Variants in GUCA1C observed in about 807,000 individuals in gnomAD.
The protein encoded by GUCA1C is guanylyl cyclase-activating protein 3.
A neutral mutation model predicts 16.2 loss-of-function variants in GUCA1C; 15 were observed. That is an observed-to-expected ratio of 0.93 (90% CI 0.62 to 1.43). The LOEUF is 1.43. Among genes scored for constraint, GUCA1C ranks in the 40% most tolerant of loss-of-function variants. The pLI, the probability that GUCA1C is intolerant of heterozygous loss-of-function variation, is 0.00. For missense variants in GUCA1C, 275 were observed against 244.8 expected (o/e 1.12, Z -0.82); for synonymous variants, 78 against 85.4 (o/e 0.91, Z 0.48).
At position 108,953,738 on chromosome 3, in the gene GUCA1C, C is replaced by G. The variant is rs1371348750; in HGVS notation, c.25G>C (p.Gly9Arg). The change falls in exon 1 of 4, where the codon GGT becomes CGT. Residue 9 changes from glycine (G) to arginine (R), a missense_variant. Coordinates refer to ENST00000261047, the MANE Select transcript of GUCA1C (RefSeq NM_005459.4). MGNGKSIA[G>R]DQKAVPTQET... ...TGTGTAGGAACTGCTTTCTGATCAC[C>G]AGCTATAGATTTGCCATTCCCCATC... is the stretch of plus-strand genomic sequence containing the variant. 6.2e-7 allele frequency: 1 copy of G among 1,612,940 alleles called. No individual in the cohort carries two copies. The highest frequency in any genetic ancestry group is 1.7e-5 in the Admixed American group (1 of 60,016).
In GUCA1C at chr3:108,910,471, C is replaced by A. The variant is rs571069110; in HGVS notation, c.443-2262G>T. On this transcript the variant is annotated intron_variant, in intron 3 of 3. Coordinates refer to ENST00000261047, the MANE Select transcript of GUCA1C (RefSeq NM_005459.4). ...CGAGATGGCGCCACTGCACTCCAGCCTGGGTGACACAGCGAGACTGTCTGA... is the reference window on the plus strand; with the variant it reads ...CGAGATGGCGCCACTGCACTCCAGCATGGGTGACACAGCGAGACTGTCTGA... 1.3e-4 allele frequency among the ~76,000 whole-genome samples: 20 copies of A among 149,712 alleles called. 1 individual carries two copies. Among genetic ancestry groups the A allele is most frequent in the African/African-American group, 4.5e-4 (18 of 40,374 alleles).
intron 1 of GUCA1C, among the ~76,000 whole-genome samples, chr3:108,923,465 A>T (rs1946590101): frequency 6.6e-6 from 1 of 152,082 alleles, no homozygotes; most frequent in Non-Finnish European, 1.5e-5. Context: ...GGCTGTAAGT[A>T]TTTGGCTTTA....
intron 1 of GUCA1C, among the ~76,000 whole-genome samples, chr3:108,921,428 G>A (rs1946568015): frequency 6.6e-6 from 1 of 152,078 alleles, no homozygotes. Context: ...GATTTCTTGT[G>A]GACTTAAGTT....
chr3:108,954,178 T>C (rs559322620), upstream of GUCA1C, among the ~76,000 whole-genome samples: 1 of 152,204 alleles, frequency 6.6e-6, no homozygotes, highest in Non-Finnish European at 1.5e-5. Flanking sequence ...TTAACTATAT[T>C]GAAACATTAC....
intron 2 of GUCA1C, among the ~76,000 whole-genome samples, chr3:108,918,967 T>C (rs1157821777): frequency 1.3e-5 from 2 of 152,184 alleles, no homozygotes; most frequent in Non-Finnish European, 2.9e-5. Flanking sequence ...ATAATTGTTT[T>C]TCCTGACTCA....
At chr3:108,916,444 C>T (rs190411752) in intron 2 of GUCA1C, among the ~76,000 whole-genome samples, 186 of 152,240 alleles carry the variant, frequency 1.2e-3, no homozygotes, top group Middle Eastern at 0.01. Flanking sequence ...ATACAGCATA[C>T]AGGGATCCAT....
intron 3 of GUCA1C, among the ~76,000 whole-genome samples, chr3:108,908,707 T>C (rs1946416593): frequency 6.6e-6 from 1 of 152,252 alleles, no homozygotes; most frequent in Non-Finnish European, 1.5e-5. Flanking sequence ...ATTAGTTCTC[T>C]ACTCCTTTTC....
At chr3:108,938,648 G>C (rs574207011) in intron 1 of GUCA1C, among the ~76,000 whole-genome samples, 1 of 152,354 alleles carries the variant, frequency 6.6e-6, no homozygotes, top group African/African-American at 2.4e-5. Context: ...AGCAAACACA[G>C]TCTCTATGAA....
intron 1 of GUCA1C, among the ~76,000 whole-genome samples, chr3:108,938,934 T>G (rs1330117618): frequency 6.6e-6 from 1 of 152,172 alleles, no homozygotes; most frequent in Non-Finnish European, 1.5e-5. Flanking sequence ...GCTTAGCAGG[T>G]CCACTGTGAA....
intron 1 of GUCA1C, among the ~76,000 whole-genome samples, chr3:108,951,328 T>C (rs1474975532): frequency 1.3e-5 from 2 of 152,246 alleles, no homozygotes; most frequent in African/African-American, 2.4e-5. Flanking sequence ...TGTGAGATGA[T>C]GGATGTTAAT....
chr3:108,924,729 T>C (rs1946605579), intron 1 of GUCA1C, among the ~76,000 whole-genome samples: 1 of 152,208 alleles, frequency 6.6e-6, no homozygotes, highest in East Asian at 1.9e-4. Flanking sequence ...CAATTCTTTT[T>C]TGACTGTCTA....
chr3:108,939,022 T>C (rs1946757579), intron 1 of GUCA1C, among the ~76,000 whole-genome samples: 1 of 152,184 alleles, frequency 6.6e-6, no homozygotes, highest in African/African-American at 2.4e-5. Context: ...CTATAGTTAA[T>C]TACTGCAGAC....
intron 1 of GUCA1C, among the ~76,000 whole-genome samples, chr3:108,944,200 T>C (rs1250709504): frequency 6.6e-6 from 1 of 152,008 alleles, no homozygotes; most frequent in Non-Finnish European, 1.5e-5. Flanking sequence ...AAGAGAGGAA[T>C]GGAAAGGAAA....
intron 1 of GUCA1C, among the ~76,000 whole-genome samples, chr3:108,950,018 T>G (rs1193257715): frequency 6.6e-6 from 1 of 152,220 alleles, no homozygotes; most frequent in Non-Finnish European, 1.5e-5. Context: ...TTGTACCCTT[T>G]GACAAACATC....
intron 1 of GUCA1C, among the ~76,000 whole-genome samples, chr3:108,935,622 G>A (rs1946718983): frequency 6.6e-6 from 1 of 152,066 alleles, no homozygotes; most frequent in African/African-American, 2.4e-5. Context: ...CTTGAACCTG[G>A]GAGGCGGAGG....
At chr3:108,914,327 G>A (rs201315659) in intron 3 of GUCA1C, among the ~76,000 whole-genome samples, 4 of 152,088 alleles carry the variant, frequency 2.6e-5, no homozygotes, top group South Asian at 2.1e-4. Flanking sequence ...CCATTTTATC[G>A]ATTCCTTATA....
intron 1 of GUCA1C, among the ~76,000 whole-genome samples, chr3:108,921,010 G>T (rs1946565158): frequency 6.6e-6 from 1 of 152,108 alleles, no homozygotes; most frequent in Non-Finnish European, 1.5e-5. Context: ...TGCAAGTCTA[G>T]ATATATAATG....
intron 1 of GUCA1C, among the ~76,000 whole-genome samples, chr3:108,921,658 G>T (rs1194330267): frequency 6.6e-6 from 1 of 152,090 alleles, no homozygotes; most frequent in African/African-American, 2.4e-5. Flanking sequence ...GTATCTCCTT[G>T]TTTTAACTTG....
At chr3:108,924,313 TC>T (rs1946599424) in intron 1 of GUCA1C, among the ~76,000 whole-genome samples, 1 of 152,184 alleles carries the variant, frequency 6.6e-6, no homozygotes, top group African/African-American at 2.4e-5. Flanking sequence ...TTAAGGTATG[TC>T]CCTTCTATAC....
Sources: gnomAD v4.1 joint callset for allele counts (sites outside exome capture counted in the v4.1 genomes callset) on GRCh38, gnomAD v4.1.1 for gene constraint, MANE v1.5 for transcripts, NCBI Gene and HGNC (gene_info 2026-07-23, HGNC 2026-07-21) for gene names.